PRDM2: variants seen among roughly 807,000 people sequenced by gnomAD.
The protein encoded by PRDM2 is PR/SET domain 2, also known as PR domain zinc finger protein 2.
Under a neutral mutation model 130.0 loss-of-function variants are expected in PRDM2, and 30 were observed. The ratio of observed to expected loss-of-function variants is 0.23; its 90% CI spans 0.17 to 0.31. The LOEUF (loss-of-function observed/expected upper bound fraction) is 0.31. Ranked by LOEUF, PRDM2 falls within the 10% of genes least tolerant of loss-of-function variation. The pLI is 1.00. For synonymous variants in PRDM2, 871 were observed against 782.4 expected (o/e 1.11, Z -1.89); for missense variants, 2,011 against 2,108.4 (o/e 0.95, Z 0.90).
chr1:13,808,495 G>T (rs1430591577), intron 8 of PRDM2, among the ~76,000 whole-genome samples: 1 of 150,482 alleles, frequency 6.6e-6, no homozygotes, highest in Non-Finnish European at 1.5e-5. Flanking sequence ...AGTTGATGCT[G>T]AACTTGTTCA....
chr1:13,717,446 A>G (rs1464877253), intron 2 of PRDM2: 20 of 984,118 alleles, frequency 2.0e-5, no homozygotes, highest in African/African-American at 3.5e-5. Flanking sequence ...CCAAAGTGGA[A>G]TCTAAATGTT....
rs902959872 is a variant in PRDM2, at chr1:13,702,238, A to G, written c.-66+1938A>G. ...TAATATAGTGTGTATATTGTTTGCAACCTGTCTTGCCTTATGATACGGTGA... is the reference window on the plus strand; with the variant it reads ...TAATATAGTGTGTATATTGTTTGCAGCCTGTCTTGCCTTATGATACGGTGA... On this transcript the variant is annotated intron_variant, in intron 1 of 9. Transcript: ENST00000311066. Among the ~76,000 whole-genome samples the G allele has an allele frequency of 9.9e-4, 151 of 152,098 alleles. 1 individual carries two copies. The highest frequency in any genetic ancestry group is 1.6e-3 in the Non-Finnish European group (110 of 68,022).
chr1:13,768,074 GTTT>G (rs774757778), intron 6 of PRDM2, among the ~76,000 whole-genome samples: 4 of 117,734 alleles, frequency 3.4e-5, no homozygotes, highest in African/African-American at 6.1e-5. Flanking sequence ...TTGTCCTTGA[GTTT>G]TTTTTTTTTT....
At chr1:13,793,673 A>G (rs1644877756) in intron 8 of PRDM2, among the ~76,000 whole-genome samples, 1 of 152,214 alleles carries the variant, frequency 6.6e-6, no homozygotes, top group African/African-American at 2.4e-5. Flanking sequence ...ATTCTTTTCT[A>G]TCTAGGTAAG....
chr1:13,724,611 C>T (rs774099845), intron 2 of PRDM2, among the ~76,000 whole-genome samples: 7 of 151,470 alleles, frequency 4.6e-5, no homozygotes, highest in African/African-American at 7.3e-5. Flanking sequence ...TCTCCTGCCT[C>T]AGCCTCCCGA....
chr1:13,723,272 A>C (rs1308775055), intron 2 of PRDM2, among the ~76,000 whole-genome samples: 1 of 151,944 alleles, frequency 6.6e-6, no homozygotes, highest in Non-Finnish European at 1.5e-5. Flanking sequence ...TATCTCTCCT[A>C]CATCACTCTT....
intron 1 of PRDM2, among the ~76,000 whole-genome samples, chr1:13,712,482 C>G (rs892284730): frequency 1.3e-5 from 2 of 152,234 alleles, no homozygotes; most frequent in Admixed American, 1.3e-4. Context: ...ACCAAAACCT[C>G]AGTGCCATCC....
intron 8 of PRDM2, among the ~76,000 whole-genome samples, chr1:13,801,331 G>A (rs1020058261): frequency 1.3e-5 from 2 of 152,258 alleles, no homozygotes; most frequent in African/African-American, 4.8e-5. Flanking sequence ...GTAACCCACA[G>A]TAACTGGCAG....
At chr1:13,741,126 A>C (rs1643424552) in intron 4 of PRDM2, among the ~76,000 whole-genome samples, 1 of 152,244 alleles carries the variant, frequency 6.6e-6, no homozygotes, top group Non-Finnish European at 1.5e-5. Context: ...GGTTTTGGGA[A>C]AATGTGTATA....
chr1:13,751,169 T>C (rs1190032572), intron 6 of PRDM2, among the ~76,000 whole-genome samples: 3 of 152,242 alleles, frequency 2.0e-5, no homozygotes, highest in African/African-American at 4.8e-5. Flanking sequence ...CTTGAACATA[T>C]ACTTTTTGTT....
At chr1:13,754,231 A>G (rs1441937340) in intron 6 of PRDM2, among the ~76,000 whole-genome samples, 3 of 152,068 alleles carry the variant, frequency 2.0e-5, no homozygotes, top group Non-Finnish European at 4.4e-5. Context: ...ATGGACATAT[A>G]TTGGCCCTTT....
chr1:13,781,514 C>T lies in PRDM2; in HGVS notation c.3719C>T (p.Ala1240Val). The T allele has an allele frequency of 1.2e-6, 2 of 1,612,814 alleles. No individual in the cohort carries two copies. Among genetic ancestry groups the T allele is most frequent in the Non-Finnish European group, 1.7e-6 (2 of 1,179,914 alleles). The change falls in exon 8 of 10, where the codon GCC (alanine) becomes GTC (valine). Residue 1240 changes from alanine to valine, a missense_variant. Ala to Val is a moderately conservative substitution (Grantham distance 64). Transcript: ENST00000311066. The surrounding 1 kb of genome is among the most constrained non-coding windows in gnomAD (Gnocchi z 6.1). ...CAGAACTTTACAGATCCCAGCAAGG[C>T]CCATGTAGAGCATATGCAGAGCTTG... The part of the protein sequence containing the change: ...RPQNFTDPSK[A>V]HVEHMQSLPE...
chr1:13,804,775 A>G lies in PRDM2; in HGVS notation c.5037-11652A>G, dbSNP rs566519250. 2.1e-4 allele frequency among the ~76,000 whole-genome samples: 32 copies of G among 152,324 alleles called. No homozygotes were observed. The South Asian group carries it at 2.7e-3, about 13-fold the overall frequency. On this transcript the variant is annotated intron_variant, in intron 8 of 9. Coordinates refer to ENST00000311066, the MANE Select transcript of PRDM2 (RefSeq NM_001393986.1). ...CGGTTTAGTATCCCCAGGGGATTGC[A>G]GTGAACACCCGAGTTTGAGATTCTC...
chr1:13,774,042 G>A (rs1373179695), intron 7 of PRDM2, among the ~76,000 whole-genome samples: 1 of 152,050 alleles, frequency 6.6e-6, no homozygotes, highest in African/African-American at 2.4e-5. Flanking sequence ...GTTTTTTGTT[G>A]GAATTTAAAT....
At position 13,758,991 on chromosome 1, in the gene PRDM2, A is replaced by G. The variant is rs184078457; in HGVS notation, c.511+9504A>G. On this transcript the variant is annotated intron_variant, in intron 6 of 9. Transcript: ENST00000311066. ...AAATACTGCTAATTTGATACTTTTC[A>G]TGACTTTCAATTTTATATGTTCTTG... 1.3e-3 allele frequency among the ~76,000 whole-genome samples: 191 copies of G among 152,294 alleles called. 1 individual carries two copies. The highest frequency in any genetic ancestry group is 2.3e-3 in the Admixed American group (35 of 15,298).
At chr1:13,820,823 C>T (rs879823396) in intron 9 of PRDM2, among the ~76,000 whole-genome samples, 4 of 151,956 alleles carry the variant, frequency 2.6e-5, no homozygotes, top group Non-Finnish European at 4.4e-5. Context: ...ATGGATCCCA[C>T]GTGACCCAGG....
intron 8 of PRDM2, among the ~76,000 whole-genome samples, chr1:13,788,327 G>A (rs1405908087): frequency 6.6e-6 from 1 of 152,308 alleles, no homozygotes; most frequent in South Asian, 2.1e-4. Context: ...GAACTCACTC[G>A]GGTAAGAGTA....
At chr1:13,769,556 T>G (rs1241978168) in intron 6 of PRDM2, among the ~76,000 whole-genome samples, 2 of 152,158 alleles carry the variant, frequency 1.3e-5, no homozygotes, top group African/African-American at 4.8e-5. Context: ...TCATCTCTAG[T>G]CCAAGGCCCT....
At chr1:13,814,048 T>A (rs1405683720) in intron 8 of PRDM2, among the ~76,000 whole-genome samples, 1 of 152,186 alleles carries the variant, frequency 6.6e-6, no homozygotes, top group East Asian at 1.9e-4. Flanking sequence ...GACATTTCCC[T>A]GGGAAGGGGG....
Sources: gnomAD v4.1 joint callset for allele counts (sites outside exome capture counted in the v4.1 genomes callset) on GRCh38, gnomAD v4.1.1 for gene constraint, Gnocchi (gnomAD v3.1) non-coding constraint, MANE v1.5 for transcripts, NCBI Gene and HGNC (gene_info 2026-07-23, HGNC 2026-07-21) for gene names.